Variants in XYLT2 observed in about 807,000 individuals in gnomAD.
XYLT2 encodes UDP-D-xylose:proteoglycan core protein beta-D-xylosyltransferase.
Under a neutral mutation model 82.6 loss-of-function variants are expected in XYLT2, and 37 were observed. The ratio of observed to expected loss-of-function variants is 0.45; its 90% CI spans 0.34 to 0.59. XYLT2 has a LOEUF of 0.59. XYLT2 is among the 20% of genes least tolerant of loss of function. The probability of loss-of-function intolerance (pLI) is 0.01; values close to 1 mark genes in which losing one functional copy is unlikely to be tolerated. For missense variants in XYLT2, 934 were observed against 1,181.3 expected (o/e 0.79, Z 3.07); for synonymous variants, 474 against 499.0 (o/e 0.95, Z 0.67).
intron 10 of XYLT2, 56 bp downstream of exon 10, chr17:50,358,596 G>A: frequency 6.6e-7 from 1 of 1,509,326 alleles, no homozygotes; most frequent in Non-Finnish European, 8.9e-7. Flanking sequence ...GGACTCGCCA[G>A]AGAGGTGACC....
At position 50,355,767 on chromosome 17, in the gene XYLT2, T is replaced by TG. The variant is rs144616695; in HGVS notation, c.1089-14_1089-13insG. 16,943 of 1,613,862 alleles carry TG rather than the reference T, an allele frequency of 0.01. 131 individuals are homozygous for TG. Among genetic ancestry groups the TG allele is most frequent in the Non-Finnish European group, 0.012 (13,808 of 1,179,862 alleles). ...CTGCAGGATCCCCAGCCATGGCCTC[T>TG]CTGCTGCCCACAGGTTCATCAAGAA... On this transcript the variant is annotated splice_polypyrimidine_tract_variant and intron_variant, in intron 5 of 10. Coordinates refer to ENST00000017003, the MANE Select transcript of XYLT2 (RefSeq NM_022167.4).
chr17:50,354,958 C>T lies in XYLT2; in HGVS notation c.909C>T (p.Leu303=), dbSNP rs1353617167. 2 of 1,587,652 alleles carry T rather than the reference C, an allele frequency of 1.3e-6. No homozygotes were observed. The highest frequency in any genetic ancestry group is 3.5e-5 in the Admixed American group (2 of 57,818). ...TTACCATCTGGGGCGGGGCCAGCCT[C>T]CTGAGGATGTACCTGCGGAGCATGC... is the stretch of plus-strand genomic sequence containing the variant. ...RMVTIWGGAS[L]LRMYLRSMRD... The change falls in exon 4 of 11, where the codon CTC becomes CTT. Residue 303 remains leucine (L), a synonymous_variant. Transcript: ENST00000017003.
At position 50,357,262 on chromosome 17, in the gene XYLT2, G is replaced by GT. The variant is rs747595202; in HGVS notation, c.1941+11dup. 30 of 1,566,690 alleles carry GT rather than the reference G, an allele frequency of 1.9e-5. No homozygotes were observed. Among genetic ancestry groups the GT allele is most frequent in the Non-Finnish European group, 2.6e-5 (30 of 1,158,848 alleles). On this transcript the variant is annotated intron_variant, in intron 9 of 10. Coordinates refer to ENST00000017003, the MANE Select transcript of XYLT2 (RefSeq NM_022167.4). ...GCTCCAGAGTCTGGAGGTGGGACAG[G>GT]TCCCCCACTTGCTTTCTCCCAACCC...
Position 50,356,608 on chromosome 17 carries a change from C to T in XYLT2, c.1580C>T (p.Pro527Leu). The T allele has an allele frequency of 6.2e-7, 1 of 1,614,150 alleles. No individual in the cohort carries two copies. The highest frequency in any genetic ancestry group is 8.5e-7 in the Non-Finnish European group (1 of 1,180,014). ...ILDFHLYGSYPPGTPALKAYW... is the reference protein window; with the variant it reads ...ILDFHLYGSYLPGTPALKAYW... ...GACTTCCACCTGTATGGCAGCTACC[C>T]CCCCGGCACGCCAGCCCTCAAGGCC... is the stretch of plus-strand genomic sequence containing the variant. Residue 527 changes from proline (P) to leucine (L), a missense_variant, in exon 8 of 11, where the codon CCC becomes CTC. Physicochemically the swap from Pro to Leu is moderately conservative, Grantham distance 98. Around this residue, in one of 3 missense-constraint regions of XYLT2, gnomAD observed 374 missense variants for 465.6 expected, o/e 0.80. Coordinates refer to ENST00000017003, the MANE Select transcript of XYLT2 (RefSeq NM_022167.4).
intron 2 of XYLT2, 35 bp downstream of exon 2, chr17:50,354,157 G>C: frequency 1.3e-6 from 2 of 1,598,022 alleles, no homozygotes; most frequent in Non-Finnish European, 8.5e-7. Context: ...CTTCCCAGGC[G>C]GGGGCAGGGG....
chr17:50,346,413 C>T lies in XYLT2; in HGVS notation c.135+138C>T, dbSNP rs1372683567. The T allele has an allele frequency of 3.2e-6, 3 of 945,726 alleles. No homozygotes were observed. Among genetic ancestry groups the T allele is most frequent in the East Asian group, 1.2e-4 (1 of 8,636 alleles). 58.6% of individuals were successfully genotyped at this position (945,726 alleles called of 1,614,324 possible). A position where few individuals can be genotyped will look rare whatever the true frequency, so the allele number is the denominator to read the frequency against. ...GCGGGGCGCCGGCGGTCGCCCAGAG[C>T]GGAGCATCCGGCCCCCGGCACTCCC... is the stretch of plus-strand genomic sequence containing the variant. On this transcript the variant is annotated intron_variant, in intron 1 of 10. Coordinates refer to ENST00000017003, the MANE Select transcript of XYLT2 (RefSeq NM_022167.4). This position sits in a 1 kb window ranked among gnomAD's most constrained non-coding sequence, Gnocchi z 5.1.
At chr17:50,359,933 C>CA in intron 10 of XYLT2, 36 bp from the exon 11 acceptor site, 2 of 1,514,976 alleles carry the variant, frequency 1.3e-6, no homozygotes, top group Non-Finnish European at 1.8e-6. Context: ...GAGTCTGTTG[C>CA]AGGGGGTGTG....
rs145509264 is a variant in XYLT2, at chr17:50,354,054, A to G, written c.560A>G (p.Asn187Ser). The G allele has an allele frequency of 1.9e-5, 30 of 1,608,366 alleles. No individual in the cohort carries two copies. In the African/African-American group the frequency reaches 3.7e-4, roughly 20 times the overall value. The change falls in exon 2 of 11, where the codon AAT becomes AGT. Residue 187 changes from asparagine (N) to serine (S), a missense_variant. Physicochemically the swap from Asn to Ser is conservative, Grantham distance 46. Transcript: ENST00000017003. ...STKQCQQEIA[N>S]VVCLHQAGSL... is the part of the protein sequence containing the mutation. ...AAGCAGTGCCAGCAGGAGATCGCCA[A>G]TGTGGTGTGCCTGCACCAGGCTGGG... is the stretch of plus-strand genomic sequence containing the variant.
At chr17:50,349,145 A>T (rs1008270675) in intron 1 of XYLT2, among the ~76,000 whole-genome samples, 6 of 152,164 alleles carry the variant, frequency 3.9e-5, no homozygotes, top group African/African-American at 9.7e-5. Flanking sequence ...CCCGTGCCTC[A>T]TGCCCTGCCC....
At position 50,353,998 on chromosome 17, in the gene XYLT2, C is replaced by T. The variant is rs375796396; in HGVS notation, c.504C>T (p.Asp168=). ...CCAAGTGCGAGATCGTGGGCAAGGA[C>T]GCACTGTCTGCACTGGCCCGGGCCA... ...FTPKCEIVGK[D]ALSALARAST... The change falls in exon 2 of 11, where the codon GAC becomes GAT. Residue 168 remains aspartate, a synonymous_variant. Transcript: ENST00000017003. The T allele has an allele frequency of 1.9e-5, 30 of 1,606,820 alleles. No homozygotes were observed. The highest frequency in any genetic ancestry group is 1.6e-4 in the Middle Eastern group (1 of 6,080).
chr17:50,353,558 A>T, intron 1 of XYLT2, 72 bp from the exon 2 acceptor site: 2 of 1,513,648 alleles, frequency 1.3e-6, no homozygotes, highest in Non-Finnish European at 1.8e-6. Context: ...GGTGCCCCCA[A>T]CCAAGATGGA....
rs1336226795 is a variant in XYLT2 at position 50,356,174 on chromosome 17, G to A, written c.1395G>A (p.Leu465=). 1.9e-6 allele frequency: 3 copies of A among 1,614,186 alleles called. No individual in the cohort carries two copies. In the Admixed American group the frequency reaches 5.0e-5, roughly 27 times the overall value. ...NLRVTNWNRK[L]GCKCQYKHIV... is the part of the protein sequence containing the mutation. ...GGGTCACCAACTGGAACCGCAAGCTGGGCTGCAAGTGCCAGTACAAGCACA... is the reference window on the plus strand; with the variant it reads ...GGGTCACCAACTGGAACCGCAAGCTAGGCTGCAAGTGCCAGTACAAGCACA... The change falls in exon 7 of 11, where the codon CTG becomes CTA. Residue 465 remains leucine (L), a synonymous_variant. Coordinates refer to ENST00000017003, the MANE Select transcript of XYLT2 (RefSeq NM_022167.4).
intron 1 of XYLT2, among the ~76,000 whole-genome samples, chr17:50,349,795 C>G (rs1361294709): frequency 1.3e-5 from 2 of 152,066 alleles, no homozygotes; most frequent in African/African-American, 4.8e-5. Flanking sequence ...AGAACCCAAC[C>G]CAGCCGAGTC....
intron 1 of XYLT2, among the ~76,000 whole-genome samples, chr17:50,350,631 A>G (rs1002084327): frequency 6.6e-6 from 1 of 152,238 alleles, no homozygotes; most frequent in Non-Finnish European, 1.5e-5. Flanking sequence ...CGACTATGTC[A>G]GTGAACAAAA....
chr17:50,350,511 G>A (rs1912221409), intron 1 of XYLT2, among the ~76,000 whole-genome samples: 1 of 135,670 alleles, frequency 7.4e-6, no homozygotes, highest in Admixed American at 7.2e-5. Flanking sequence ...AGGTTGGAGT[G>A]AGCCGAGATT....
In XYLT2 at chr17:50,354,842, C is replaced by T; in HGVS notation, c.805-12C>T. 1 of 1,612,752 alleles carries T rather than the reference C, an allele frequency of 6.2e-7. No homozygotes were observed. The highest frequency in any genetic ancestry group is 1.7e-5 in the Admixed American group (1 of 59,992). On this transcript the variant is annotated splice_polypyrimidine_tract_variant and intron_variant, in intron 3 of 10. Coordinates refer to ENST00000017003, the MANE Select transcript of XYLT2 (RefSeq NM_022167.4). ...AACACTGGAGGCTAGCTGAGTGTCT[C>T]CTCCCCACCAGCGTTCCGACTACCT... is the stretch of plus-strand genomic sequence containing the variant.
At chr17:50,354,783 C>T in intron 3 of XYLT2, 71 bp from the exon 4 acceptor site, 1 of 1,594,402 alleles carries the variant, frequency 6.3e-7, no homozygotes, top group Non-Finnish European at 8.5e-7. Context: ...TGTGTCCCTT[C>T]ACTCTGTCCT....
chr17:50,353,158 C>G (rs137957865), intron 1 of XYLT2, among the ~76,000 whole-genome samples: 279 of 152,248 alleles, frequency 1.8e-3, no homozygotes, highest in African/African-American at 6.4e-3. Flanking sequence ...TCAGTCTTCC[C>G]ACATGGAAAT....
rs1912793956 is a variant in XYLT2 at position 50,361,163 on chromosome 17, G to T, written c.*872G>T. ...TCTCTATCTCTCTACTCTGGGCTCT[G>T]TGTTTTTCCTCCTGGGTGTCAGGAA... is the stretch of plus-strand genomic sequence containing the variant. On this transcript the variant is annotated 3_prime_UTR_variant, in exon 11 of 11. Coordinates refer to ENST00000017003, the MANE Select transcript of XYLT2 (RefSeq NM_022167.4). The T allele has an allele frequency of 1.0e-6, 1 of 985,442 alleles. No homozygotes were observed. The highest frequency in any genetic ancestry group is 1.2e-6 in the Non-Finnish European group (1 of 829,630). 61.0% of individuals were successfully genotyped at this position (985,442 alleles called of 1,614,324 possible). A position where few individuals can be genotyped will look rare whatever the true frequency, so the allele number is the denominator to read the frequency against.
Sources: gnomAD v4.1 joint callset for allele counts (sites outside exome capture counted in the v4.1 genomes callset) on GRCh38, gnomAD v4.1.1 for gene constraint, gnomAD v4.1.1 regional missense constraint, Gnocchi (gnomAD v3.1) non-coding constraint, MANE v1.5 for transcripts, NCBI Gene and HGNC (gene_info 2026-07-23, HGNC 2026-07-21) for gene names.